The following PHLPP2 variants were observed in gnomAD, a reference collection of about 807,000 sequenced individuals.
PHLPP2 encodes the protein PH domain and leucine rich repeat protein phosphatase 2.
In PHLPP2, 66 loss-of-function variants were observed where a neutral mutation model predicts 124.9. The ratio of observed to expected loss-of-function variants is 0.53; its 90% confidence interval spans 0.43 to 0.65. The LOEUF is 0.65. Ranked by LOEUF, PHLPP2 falls within the 30% of genes least tolerant of loss-of-function variation. The pLI is 0.00. For missense variants in PHLPP2, 1,685 were observed against 1,600.4 expected, an observed-to-expected ratio of 1.05 and a Z score of -0.90; for synonymous variants, 681 against 624.7, an observed-to-expected ratio of 1.09 and a Z score of -1.34.
At position 71,655,446 on chromosome 16, in the gene PHLPP2, A is replaced by C. The variant is rs763137816; in HGVS notation, c.2391-12T>G. ...CTGAGACACACAGCCTATAATAGAA[A>C]CATGAAAACAGAAAACAGAAAAGTT... On this transcript the variant is annotated splice_polypyrimidine_tract_variant and intron_variant, in intron 16 of 18. Coordinates refer to ENST00000568954, the MANE Select transcript of PHLPP2 (RefSeq NM_015020.3). The C allele has an allele frequency of 2.5e-6, 4 of 1,587,898 alleles. No individual in the cohort carries two copies. The African/African-American group carries it at 5.4e-5, about 21-fold the overall frequency.
intron 8 of PHLPP2, chr16:71,677,182 T>TTAA (rs1253752625): frequency 6.4e-6 from 1 of 156,154 alleles, no homozygotes; most frequent in Admixed American, 6.1e-5. Context: ...CGTATACAAA[T>TTAA]TAATAAAGAG....
rs374306159 is a variant in PHLPP2 at position 71,661,925 on chromosome 16, G to T, written c.1985+1974C>A. The stretch of plus-strand genomic sequence containing the variant: ...TGCAACCTCTGCCTCCGGGGTTCAA[G>T]CGATTCTCCTGCCTCAGCCTCCCAA... On this transcript the variant is annotated intron_variant, in intron 13 of 18. Transcript: ENST00000568954. Among the ~76,000 whole-genome samples the T allele has an allele frequency of 2.9e-3, 447 of 151,962 alleles. 1 individual carries two copies. Among genetic ancestry groups the T allele is most frequent in the Non-Finnish European group, 3.9e-3 (266 of 67,968 alleles).
intron 17 of PHLPP2, among the ~76,000 whole-genome samples, chr16:71,653,287 A>C (rs747924708): frequency 1.3e-5 from 2 of 151,962 alleles, no homozygotes; most frequent in African/African-American, 4.8e-5. Flanking sequence ...GTGTCTGATC[A>C]AAGACTTCCT....
intron 2 of PHLPP2, among the ~76,000 whole-genome samples, chr16:71,712,026 C>G (rs1186174963): frequency 6.6e-5 from 10 of 152,246 alleles, no homozygotes; most frequent in African/African-American, 2.4e-4. Context: ...GCAGTACCTG[C>G]CTGTCCTTGA....
chr16:71,669,433 G>T, intron 10 of PHLPP2, 63 bp from the exon 11 acceptor site: 1 of 1,190,280 alleles, frequency 8.4e-7, no homozygotes, highest in Non-Finnish European at 1.2e-6. Flanking sequence ...ATTTCAGTAG[G>T]CTATAATGTA....
At chr16:71,697,962 C>G (rs1452076743) in intron 3 of PHLPP2, among the ~76,000 whole-genome samples, 1 of 151,926 alleles carries the variant, frequency 6.6e-6, no homozygotes, top group African/African-American at 2.4e-5. Context: ...ATTCTCCCAC[C>G]TCAGCCTCCA....
intron 3 of PHLPP2, among the ~76,000 whole-genome samples, chr16:71,694,605 A>G (rs2045150098): frequency 6.6e-6 from 1 of 152,224 alleles, no homozygotes; most frequent in South Asian, 2.1e-4. Flanking sequence ...AAAGATATAT[A>G]TTCAGAATAC....
At chr16:71,678,428 A>C (rs1324039526) in intron 8 of PHLPP2, 2 of 232,632 alleles carry the variant, frequency 8.6e-6, no homozygotes, top group Non-Finnish European at 1.7e-5. Context: ...GCTCGAGTCC[A>C]GGAGTTCGAG....
chr16:71,684,395 G>C (rs565042576), intron 5 of PHLPP2, 81 bp downstream of exon 5: 1 of 1,447,422 alleles, frequency 6.9e-7, no homozygotes, highest in Admixed American at 1.7e-5. Flanking sequence ...CAAAGTGCTG[G>C]GATTACAGAC....
chr16:71,711,958 T>G (rs1338112420), intron 2 of PHLPP2, among the ~76,000 whole-genome samples: 1 of 152,362 alleles, frequency 6.6e-6, no homozygotes, highest in African/African-American at 2.4e-5. Context: ...ACAGCTGGCC[T>G]TTACTCAGAA....
intron 2 of PHLPP2, among the ~76,000 whole-genome samples, chr16:71,712,144 C>T (rs2045328426): frequency 6.6e-6 from 1 of 152,176 alleles, no homozygotes; most frequent in Non-Finnish European, 1.5e-5. Context: ...GTGCATAAAG[C>T]ACTAAGCATA....
intron 17 of PHLPP2, among the ~76,000 whole-genome samples, chr16:71,653,757 T>C (rs1245187750): frequency 1.3e-5 from 2 of 152,196 alleles, no homozygotes; most frequent in Non-Finnish European, 2.9e-5. Context: ...TTCCCTTTCC[T>C]AAACCCTTTA....
chr16:71,708,202 C>T (rs1423926097), intron 2 of PHLPP2, among the ~76,000 whole-genome samples: 4 of 152,156 alleles, frequency 2.6e-5, no homozygotes, highest in South Asian at 2.1e-4. Context: ...TATAAAAAGA[C>T]AGGAATGTCA....
chr16:71,665,253 T>C (rs1230650956), intron 12 of PHLPP2, among the ~76,000 whole-genome samples: 2 of 152,210 alleles, frequency 1.3e-5, no homozygotes, highest in South Asian at 2.1e-4. Context: ...GAGGTTGCAG[T>C]GAGCTGAGAT....
At position 71,702,698 on chromosome 16, in the gene PHLPP2, G is replaced by C. The variant is rs540920933; in HGVS notation, c.318C>G (p.Ile106Met). ...CCAGCCTGGATAAGTAATCATAAAC[G>C]ATCTGAAGAGGTCGTTCAGTAGGTT... ...RLEPTERPLQ[I>M]VYDYLSRLGF... is the part of the protein sequence containing the mutation. Residue 106 changes from isoleucine (I) to methionine (M), a missense_variant, in exon 3 of 19, where the codon ATC (isoleucine) becomes ATG (methionine). Ile to Met is a conservative substitution (Grantham distance 10). Transcript: ENST00000568954. 1 of 1,609,418 alleles carries C rather than the reference G, an allele frequency of 6.2e-7. No homozygotes were observed. The highest frequency in any genetic ancestry group is 1.7e-5 in the Admixed American group (1 of 59,998).
chr16:71,709,843 C>CT (rs959982654), intron 2 of PHLPP2, among the ~76,000 whole-genome samples: 8 of 151,746 alleles, frequency 5.3e-5, no homozygotes, highest in Admixed American at 6.6e-5. Context: ...TTTTCTTTTT[C>CT]TTTTTTTTCT....
At chr16:71,698,594 C>T (rs1226641017) in intron 3 of PHLPP2, 10 of 622,316 alleles carry the variant, frequency 1.6e-5, no homozygotes, top group Admixed American at 3.7e-5. Flanking sequence ...CTTAGAGCAA[C>T]CCATACAAGA....
At chr16:71,721,769 A>C (rs34734042) in intron 1 of PHLPP2, among the ~76,000 whole-genome samples, 43,601 of 152,044 alleles carry the variant, frequency 0.29, 8,165 homozygotes, top group East Asian at 0.76. Flanking sequence ...CTAAAAAAAA[A>C]CCATAAACCC....
chr16:71,653,710 G>A (rs1032303070), intron 17 of PHLPP2, among the ~76,000 whole-genome samples: 1 of 152,142 alleles, frequency 6.6e-6, no homozygotes, highest in South Asian at 2.1e-4. Context: ...GAAAATACTT[G>A]CTACAATTCC....
Sources: allele counts gnomAD v4.1 joint callset (sites outside exome capture counted in the v4.1 genomes callset), GRCh38; gene constraint gnomAD v4.1.1; transcripts MANE v1.5; gene names NCBI Gene and HGNC (gene_info 2026-07-23, HGNC 2026-07-21).